Variants in CAST observed in about 807,000 individuals in gnomAD.
CAST encodes the protein MIR583 host.
Under a neutral mutation model 119.6 loss-of-function variants are expected in CAST, and 76 were observed. The ratio of observed to expected loss-of-function variants is 0.64; its 90% CI spans 0.53 to 0.77. The LOEUF (loss-of-function observed/expected upper bound fraction) is 0.77. Ranked by LOEUF, CAST falls within the 30% of genes least tolerant of loss-of-function variation. The pLI, the probability that CAST is intolerant of heterozygous loss-of-function variation, is 0.00. For synonymous variants in CAST, 319 were observed against 331.6 expected (o/e 0.96, Z 0.41); for missense variants, 953 against 946.5 (o/e 1.01, Z -0.09).
chr5:96,750,283 A>G (rs1420142038), intron 19 of CAST, among the ~76,000 whole-genome samples: 1 of 152,168 alleles, frequency 6.6e-6, no homozygotes, highest in Non-Finnish European at 1.5e-5. Context: ...ATTGTCTTAT[A>G]TAGGCCTCTT....
chr5:96,282,996 G>C, the CAST span, among the ~76,000 whole-genome samples: 1 of 151,004 alleles, frequency 6.6e-6, no homozygotes, highest in Non-Finnish European at 1.5e-5. Context: ...CGGGCGTGAT[G>C]GCGGGCGCCT....
chr5:96,326,797 T>A, the CAST span, among the ~76,000 whole-genome samples: 8 of 150,882 alleles, frequency 5.3e-5, no homozygotes, highest in South Asian at 1.7e-3. Flanking sequence ...ATGAATAGAG[T>A]TCATGATCAC....
the CAST span, among the ~76,000 whole-genome samples, chr5:96,408,817 T>A: frequency 2.6e-5 from 4 of 152,188 alleles, no homozygotes. Context: ...GCACAAAAAA[T>A]GCTTAATATG....
the CAST span, among the ~76,000 whole-genome samples, chr5:96,182,582 G>A: frequency 1.3e-5 from 2 of 152,142 alleles, no homozygotes; most frequent in African/African-American, 4.8e-5. Flanking sequence ...GGTATTATAT[G>A]TCAGACTTAC....
At chr5:96,189,572 A>G in the CAST span, among the ~76,000 whole-genome samples, 1 of 152,032 alleles carries the variant, frequency 6.6e-6, no homozygotes, top group African/African-American at 2.4e-5. Flanking sequence ...AAAGTAATTT[A>G]CTTTCCTCTA....
At chr5:96,625,361 A>C (rs1043312877) in intron 1 of CAST, among the ~76,000 whole-genome samples, 2 of 152,176 alleles carry the variant, frequency 1.3e-5, no homozygotes, top group Non-Finnish European at 2.9e-5. Context: ...TCTTTACTGA[A>C]CTGGAATAGA....
chr5:96,064,428 G>A, the CAST span, among the ~76,000 whole-genome samples: 15 of 152,070 alleles, frequency 9.9e-5, no homozygotes, highest in South Asian at 1.3e-3. Flanking sequence ...AATAAAGTTG[G>A]CATTAGAGTA....
At chr5:96,615,822 T>G (rs1254094494) in intron 1 of CAST, among the ~76,000 whole-genome samples, 2 of 152,140 alleles carry the variant, frequency 1.3e-5, no homozygotes, top group Admixed American at 6.5e-5. Context: ...CAACCAGAAC[T>G]AATAGGGTAA....
At chr5:96,545,075 C>A (rs1475197557) in intron 1 of CAST, 1 of 152,144 alleles carries the variant, frequency 6.6e-6, no homozygotes, top group African/African-American at 2.4e-5. Context: ...GTAATTGTCT[C>A]CAGGAAGTAA....
chr5:95,978,144 A>T, the CAST span, among the ~76,000 whole-genome samples: 2 of 152,004 alleles, frequency 1.3e-5, no homozygotes, highest in African/African-American at 4.8e-5. Context: ...AATGATTTAT[A>T]TTTTTTTGGG....
At chr5:96,027,500 G>A in the CAST span, among the ~76,000 whole-genome samples, 1 of 152,004 alleles carries the variant, frequency 6.6e-6, no homozygotes, top group South Asian at 2.1e-4. Context: ...TTTAAAAGTA[G>A]AGTTCAGAAA....
chr5:96,516,125 A>G, the CAST span, among the ~76,000 whole-genome samples: 3 of 40,634 alleles, frequency 7.4e-5, no homozygotes, highest in Non-Finnish European at 1.2e-4. Context: ...AGAATTATCT[A>G]TGAAGAATAA....
chr5:96,757,345 G>C, intron 22 of CAST, 99 bp from the exon 23 acceptor site: 4 of 1,039,964 alleles, frequency 3.8e-6, no homozygotes, highest in Non-Finnish European at 6.0e-6. Flanking sequence ...ATGTACAACA[G>C]CAAGTATAAC....
upstream of CAST, among the ~76,000 whole-genome samples, chr5:96,526,453 A>C (rs1227892131): frequency 6.6e-6 from 1 of 152,212 alleles, no homozygotes; most frequent in African/African-American, 2.4e-5. Flanking sequence ...CAGTACCTTT[A>C]CTAATAAAAG....
intron 10 of CAST, among the ~76,000 whole-genome samples, chr5:96,737,124 G>T (rs372896985): frequency 6.6e-6 from 1 of 152,178 alleles, no homozygotes; most frequent in Non-Finnish European, 1.5e-5. Context: ...TCCTCGACAC[G>T]TGGGGATTAT....
At chr5:96,662,338 T>TCCCC (rs1257779411), upstream of CAST, 1 of 264,586 alleles carries the variant, frequency 3.8e-6, no homozygotes. Context: ...CCTCCCTCCC[T>TCCCC]CTCTCCCTGG....
chr5:95,975,910 G>A, the CAST span, among the ~76,000 whole-genome samples: 1 of 152,076 alleles, frequency 6.6e-6, no homozygotes. Context: ...GTCCCCTGAC[G>A]ATAGCCAGGG....
At chr5:96,554,591 AAG>A (rs1295342710) in intron 1 of CAST, among the ~76,000 whole-genome samples, 3 of 152,234 alleles carry the variant, frequency 2.0e-5, no homozygotes, top group Non-Finnish European at 4.4e-5. Context: ...TGCACAGCAA[AAG>A]AAACTATCAT....
At chr5:95,982,501 T>C in the CAST span, among the ~76,000 whole-genome samples, 1 of 152,228 alleles carries the variant, frequency 6.6e-6, no homozygotes, top group Non-Finnish European at 1.5e-5. Flanking sequence ...TCTTAACCAC[T>C]GTGTGATGTT....
Sources: allele counts gnomAD v4.1 joint callset (sites outside exome capture counted in the v4.1 genomes callset), GRCh38; gene constraint gnomAD v4.1.1; transcripts MANE v1.5; gene names NCBI Gene and HGNC (gene_info 2026-07-23, HGNC 2026-07-21).